Variants in CALML4 observed in about 807,000 individuals in gnomAD.
CALML4 encodes calmodulin like 4, also known as calmodulin-like protein 4.
CALML4 carries 16 observed loss-of-function variants against 17.9 expected under a neutral mutation model. The ratio of observed to expected loss-of-function variants is 0.89; its 90% CI spans 0.61 to 1.36. The LOEUF (loss-of-function observed/expected upper bound fraction) is 1.36. CALML4 is among the 40% of genes most tolerant of loss of function. CALML4 has a pLI of 0.00. For missense variants in CALML4, 203 were observed against 194.8 expected (o/e 1.04, Z -0.25); for synonymous variants, 86 against 71.5 (o/e 1.20, Z -1.02).
rs1221871252 is a variant in CALML4, at chr15:68,193,033, T to TGC, written c.*980_*981dup. ...CTGGATGGACTCCCAGAAAGCCTAG[T>TGC]GCTCCTACTACTGTTTTCCAGGGCT... is the stretch of plus-strand genomic sequence containing the variant. On this transcript the variant is annotated 3_prime_UTR_variant, in exon 5 of 5. Transcript: ENST00000467889. The TGC allele has an allele frequency of 6.6e-6, 1 of 152,310 alleles. No individual in the cohort carries two copies. The highest frequency in any genetic ancestry group is 1.5e-5 in the Non-Finnish European group (1 of 68,118). 9.4% of individuals were successfully genotyped at this position (152,310 alleles called of 1,614,324 possible).
chr15:68,194,151 GTGTTCCATTAT>G, intron 4 of CALML4, 39 bp from the exon 5 acceptor site: 1 of 1,542,000 alleles, frequency 6.5e-7, no homozygotes, highest in Non-Finnish European at 9.0e-7. Context: ...TTTGGCTTTA[GTGTTCCATTAT>G]AAAACAGTGA....
chr15:68,193,950 CT>C lies in CALML4; in HGVS notation c.*64del. On this transcript the variant is annotated 3_prime_UTR_variant, in exon 5 of 5. Transcript: ENST00000467889. ...CCATCTCTCCCAAGTGAAAAGAACA[CT>C]TTTTAAAAAAAATTAATTGCTCCAA... 3 of 1,239,088 alleles carry C rather than the reference CT, an allele frequency of 2.4e-6. 1 individual carries two copies. The Middle Eastern group carries it at 5.7e-4, about 234-fold the overall frequency. The allele number at this position is 1,239,088 out of a possible 1,614,324, so 76.8% of individuals were successfully genotyped here. A position where few individuals can be genotyped will look rare whatever the true frequency, so the allele number is the denominator to read the frequency against.
In CALML4 at chr15:68,199,867, T is replaced by A. The variant is rs142688851; in HGVS notation, c.35-186A>T. The A allele has an allele frequency of 1.7e-4, 89 of 524,766 alleles. No homozygotes were observed. The East Asian group carries it at 2.8e-3, about 17-fold the overall frequency. The allele number at this position is 524,766 out of a possible 1,614,324, so 32.5% of individuals were successfully genotyped here. ...ACAGGACTGCCAAGTTAAACCGAAT[T>A]CAGATAAACACTGAATATACTTTTA... On this transcript the variant is annotated intron_variant, in intron 2 of 4. Transcript: ENST00000467889.
chr15:68,205,004 TG>T lies in CALML4; in HGVS notation c.34+116del. 1 of 1,234,364 alleles carries T rather than the reference TG, an allele frequency of 8.1e-7. No individual in the cohort carries two copies. The highest frequency in any genetic ancestry group is 1.2e-6 in the Non-Finnish European group (1 of 859,216). 76.5% of individuals were successfully genotyped at this position (1,234,364 alleles called of 1,614,324 possible). A position where few individuals can be genotyped will look rare whatever the true frequency, so the allele number is the denominator to read the frequency against. On this transcript the variant is annotated intron_variant, in intron 2 of 4. Coordinates refer to ENST00000467889, the MANE Select transcript of CALML4 (RefSeq NM_033429.3). This position sits in a 1 kb window ranked among gnomAD's most constrained non-coding sequence, Gnocchi z 4.8. ...CCTCCCCGCAGCTCTTGGCCCTGGGTGGGCCCAGCTCTCCCACAGCCACCTT... is the reference window on the plus strand; with the variant it reads ...CCTCCCCGCAGCTCTTGGCCCTGGGTGGCCCAGCTCTCCCACAGCCACCTT...
Position 68,191,194 on chromosome 15 carries a change from G to A in CALML4, c.*2821C>T, listed in dbSNP as rs1221830462. Reference sequence around the variant, plus strand: ...CTGCTGTTAATTGTTTAACAAAGGGGAAAATGTACATAAACAGATAAAGTT... The same window carrying A: ...CTGCTGTTAATTGTTTAACAAAGGGAAAAATGTACATAAACAGATAAAGTT... On this transcript the variant is annotated 3_prime_UTR_variant, in exon 5 of 5. Coordinates refer to ENST00000467889, the MANE Select transcript of CALML4 (RefSeq NM_033429.3). 1 of 152,582 alleles carries A rather than the reference G, an allele frequency of 6.6e-6. No individual in the cohort carries two copies. Among genetic ancestry groups the A allele is most frequent in the Non-Finnish European group, 1.5e-5 (1 of 68,022 alleles). The allele number at this position is 152,582 out of a possible 1,614,324, so 9.5% of individuals were successfully genotyped here.
In CALML4 at chr15:68,199,555, T is replaced by C. The variant is rs756525842; in HGVS notation, c.161A>G (p.Gln54Arg). Reference protein sequence around the residue: ...PTPGEVQRHLQTHGIDGNGEL... With the variant: ...PTPGEVQRHLRTHGIDGNGEL... ...CCACCACTCACCTATCCCGTGGGTC[T>C]GCAGGTGCCGCTGCACCTCCCCTGG... The change falls in exon 3 of 5, where the codon CAG (glutamine) becomes CGG (arginine). Residue 54 changes from glutamine to arginine, a missense_variant. Gln to Arg is a conservative substitution (Grantham distance 43). Transcript: ENST00000467889. 3 of 1,613,460 alleles carry C rather than the reference T, an allele frequency of 1.9e-6. No individual in the cohort carries two copies. Among genetic ancestry groups the C allele is most frequent in the Non-Finnish European group, 2.5e-6 (3 of 1,179,902 alleles).
At position 68,193,721 on chromosome 15, in the gene CALML4, C is replaced by G. The variant is rs1168600361; in HGVS notation, c.*294G>C. 2 of 314,434 alleles carry G rather than the reference C, an allele frequency of 6.4e-6. No homozygotes were observed. The highest frequency in any genetic ancestry group is 1.2e-5 in the Non-Finnish European group (2 of 168,218). The allele number at this position is 314,434 out of a possible 1,614,324, so 19.5% of individuals were successfully genotyped here. On this transcript the variant is annotated 3_prime_UTR_variant, in exon 5 of 5. Coordinates refer to ENST00000467889, the MANE Select transcript of CALML4 (RefSeq NM_033429.3). The stretch of plus-strand genomic sequence containing the variant: ...ATTTGCCCAAAGTCACAGTGGGAAG[C>G]AGCAGAGCCAGGACTGGAACCCAGG...
Position 68,205,137 on chromosome 15 carries a change from G to A in CALML4, c.18C>T (p.Ser6=). The change falls in exon 2 of 5, where the codon TCC becomes TCT. Residue 6 remains serine, a synonymous_variant. Coordinates refer to ENST00000467889, the MANE Select transcript of CALML4 (RefSeq NM_033429.3). The surrounding 1 kb of genome is among the most constrained non-coding windows in gnomAD (Gnocchi z 4.8). ...CCAACCTACCATTAATTTGGTCTTGGGAAAGAAACTTGGCCTGCAGCAGAG... is the reference window on the plus strand; with the variant it reads ...CCAACCTACCATTAATTTGGTCTTGAGAAAGAAACTTGGCCTGCAGCAGAG... The part of the protein sequence containing the change: MAKFL[S]QDQINEYKEC... 6.2e-7 allele frequency: 1 copy of A among 1,614,128 alleles called. No homozygotes were observed. Among genetic ancestry groups the A allele is most frequent in the South Asian group, 1.1e-5 (1 of 91,082 alleles).
At chr15:68,201,233 G>A (rs1053644936) in intron 2 of CALML4, among the ~76,000 whole-genome samples, 4 of 152,232 alleles carry the variant, frequency 2.6e-5, no homozygotes, top group East Asian at 3.8e-4. Flanking sequence ...CTGAGCTTCC[G>A]AAGGGGCAAA....
rs1162050543 is a variant in CALML4 at position 68,190,759 on chromosome 15, A to T, written c.*3256T>A. 5 of 146,310 alleles carry T rather than the reference A, an allele frequency of 3.4e-5. No homozygotes were observed. In the East Asian group the frequency reaches 9.9e-4, roughly 29 times the overall value. 9.1% of individuals were successfully genotyped at this position (146,310 alleles called of 1,614,324 possible). A position where few individuals can be genotyped will look rare whatever the true frequency, so the allele number is the denominator to read the frequency against. On this transcript the variant is annotated 3_prime_UTR_variant, in exon 5 of 5. Coordinates refer to ENST00000467889, the MANE Select transcript of CALML4 (RefSeq NM_033429.3). The surrounding 1 kb of genome is among the most constrained non-coding windows in gnomAD (Gnocchi z 4.7). Reference sequence around the variant, plus strand: ...TCGTGAGTGTTATTGGATACATCTTAAAAAAAAAAAATCTGAACCAGAACC... The same window carrying T: ...TCGTGAGTGTTATTGGATACATCTTTAAAAAAAAAAATCTGAACCAGAACC...
Position 68,197,627 on chromosome 15 carries a change from G to A in CALML4, c.177C>T (p.Asp59=), listed in dbSNP as rs753395258. ...VQRHLQTHGI[D]GNGELDFSTF... is the part of the protein sequence containing the mutation. ...TGGAGAAATCCAGCTCTCCATTTCC[G>A]TCTAGGAAACCCGCAAACACAGCAG... The change falls in exon 4 of 5, where the codon GAC becomes GAT. Residue 59 remains aspartate (D), a splice_region_variant and synonymous_variant. Transcript: ENST00000467889. This position sits in a 1 kb window ranked among gnomAD's most constrained non-coding sequence, Gnocchi z 4.1. The A allele has an allele frequency of 3.9e-5, 63 of 1,613,222 alleles. No homozygotes were observed. Among genetic ancestry groups the A allele is most frequent in the African/African-American group, 6.7e-5 (5 of 74,742 alleles).
intron 2 of CALML4, chr15:68,199,986 T>A (rs563960817): frequency 5.1e-6 from 1 of 194,332 alleles, no homozygotes; most frequent in African/African-American, 2.3e-5. Context: ...TGTCCTGTAT[T>A]TTATCTGGCT....
At chr15:68,201,690 CAAAT>C in intron 2 of CALML4, among the ~76,000 whole-genome samples, 1 of 152,308 alleles carries the variant, frequency 6.6e-6, no homozygotes, top group South Asian at 2.1e-4. Flanking sequence ...GGCCAGGGCT[CAAAT>C]AGAGGCCCAC....
Position 68,197,667 on chromosome 15 carries a change from A to G in CALML4, c.176-39T>C. 6.3e-7 allele frequency: 1 copy of G among 1,595,572 alleles called. No homozygotes were observed. The highest frequency in any genetic ancestry group is 1.1e-5 in the South Asian group (1 of 89,146). On this transcript the variant is annotated intron_variant, in intron 3 of 4. Coordinates refer to ENST00000467889, the MANE Select transcript of CALML4 (RefSeq NM_033429.3). This position sits in a 1 kb window ranked among gnomAD's most constrained non-coding sequence, Gnocchi z 4.1. ...AAACACAGCAGAGTGAGCAGAGGGAAAAAGACTCCTAGGAAGCCAGCTGGC... is the reference window on the plus strand; with the variant it reads ...AAACACAGCAGAGTGAGCAGAGGGAGAAAGACTCCTAGGAAGCCAGCTGGC...
chr15:68,191,572 GCATGACAAGTAACTAA>G lies in CALML4; in HGVS notation c.*2427_*2442del, dbSNP rs2093120400. 6.6e-6 allele frequency: 1 copy of G among 152,634 alleles called. No homozygotes were observed. The highest frequency in any genetic ancestry group is 2.4e-5 in the African/African-American group (1 of 41,454). The allele number at this position is 152,634 out of a possible 1,614,324, so 9.5% of individuals were successfully genotyped here. On this transcript the variant is annotated 3_prime_UTR_variant, in exon 5 of 5. Coordinates refer to ENST00000467889, the MANE Select transcript of CALML4 (RefSeq NM_033429.3). ...GCACCTTTCATCCAGAGATTTCAAA[GCATGACAAGTAACTAA>G]CTAATTTTCTTGCAGCATGCTTTGA...
Position 68,204,484 on chromosome 15 carries a change from C to T in CALML4, c.34+637G>A, listed in dbSNP as rs150237282. On this transcript the variant is annotated intron_variant, in intron 2 of 4. Transcript: ENST00000467889. The surrounding 1 kb of genome is among the most constrained non-coding windows in gnomAD (Gnocchi z 6.0). ...GTGCAGGGGGGCTGCAGCCATGAGG[C>T]TCCCCTGGCTCAGGTCTGGGCCCCC... 3.7e-3 allele frequency among the ~76,000 whole-genome samples: 561 copies of T among 152,312 alleles called. 10 individuals carry two copies. Among genetic ancestry groups the T allele is most frequent in the Admixed American group, 0.032 (488 of 15,302 alleles).
At chr15:68,201,017 G>C (rs1002101412) in intron 2 of CALML4, among the ~76,000 whole-genome samples, 1 of 151,724 alleles carries the variant, frequency 6.6e-6, no homozygotes, top group Non-Finnish European at 1.5e-5. Flanking sequence ...GATGCAGAAG[G>C]AGCCCCCCAA....
chr15:68,191,164 G>C lies in CALML4; in HGVS notation c.*2851C>G, dbSNP rs1595805489. On this transcript the variant is annotated 3_prime_UTR_variant, in exon 5 of 5. Coordinates refer to ENST00000467889, the MANE Select transcript of CALML4 (RefSeq NM_033429.3). ...AGGGAAAATAGCTGGTGGTCCCAGA[G>C]TGTGCTGCTGTTAATTGTTTAACAA... The C allele has an allele frequency of 6.6e-6, 1 of 152,602 alleles. No homozygotes were observed. The highest frequency in any genetic ancestry group is 2.4e-5 in the African/African-American group (1 of 41,436). The allele number at this position is 152,602 out of a possible 1,614,324, so 9.5% of individuals were successfully genotyped here. A position where few individuals can be genotyped will look rare whatever the true frequency, so the allele number is the denominator to read the frequency against.
At position 68,190,735 on chromosome 15, in the gene CALML4, CGTGA is replaced by C. The variant is rs1187022509; in HGVS notation, c.*3276_*3279del. ...GGGTTAAAGTGGCTTTTAATTACTT[CGTGA>C]GTGTTATTGGATACATCTTAAAAAA... On this transcript the variant is annotated 3_prime_UTR_variant, in exon 5 of 5. Coordinates refer to ENST00000467889, the MANE Select transcript of CALML4 (RefSeq NM_033429.3). The surrounding 1 kb of genome is among the most constrained non-coding windows in gnomAD (Gnocchi z 4.7). The C allele has an allele frequency of 6.6e-6, 1 of 151,554 alleles. No homozygotes were observed. The highest frequency in any genetic ancestry group is 2.1e-4 in the South Asian group (1 of 4,804). 9.4% of individuals were successfully genotyped at this position (151,554 alleles called of 1,614,324 possible). A position where few individuals can be genotyped will look rare whatever the true frequency, so the allele number is the denominator to read the frequency against.
Sources: allele counts gnomAD v4.1 joint callset (sites outside exome capture counted in the v4.1 genomes callset), GRCh38; gene constraint gnomAD v4.1.1; non-coding constraint Gnocchi (gnomAD v3.1); transcripts MANE v1.5; gene names NCBI Gene and HGNC (gene_info 2026-07-23, HGNC 2026-07-21).